The following DNAH7 variants were observed in gnomAD, a reference collection of about 807,000 sequenced individuals.
DNAH7 encodes the protein dynein axonemal heavy chain 7, also known as axonemal beta dynein heavy chain 7.
DNAH7 carries 397 observed loss-of-function variants against 444.6 expected under a neutral mutation model. The ratio of observed to expected loss-of-function variants is 0.89; its 90% CI spans 0.82 to 0.97. The LOEUF is 0.97. Among genes scored for constraint, DNAH7 ranks in the 50% least tolerant of loss-of-function variants. The probability of loss-of-function intolerance (pLI) is 0.00; values close to 1 mark genes in which losing one functional copy is unlikely to be tolerated. For synonymous variants in DNAH7, 1,636 were observed against 1,624.4 expected, an observed-to-expected ratio of 1.01 and a Z score of -0.17; for missense variants, 4,902 against 4,800.8, an observed-to-expected ratio of 1.02 and a Z score of -0.62.
At chr2:196,025,364 A>C (rs973761799) in intron 7 of DNAH7, among the ~76,000 whole-genome samples, 1 of 152,178 alleles carries the variant, frequency 6.6e-6, no homozygotes, top group African/African-American at 2.4e-5. Flanking sequence ...TAATATGCAA[A>C]TCATATGTAT....
At chr2:196,005,253 G>A (rs952442395) in intron 10 of DNAH7, among the ~76,000 whole-genome samples, 2 of 151,406 alleles carry the variant, frequency 1.3e-5, no homozygotes, top group Non-Finnish European at 2.9e-5. Flanking sequence ...CAGCCTGGGT[G>A]ACAGGGCAAG....
intron 19 of DNAH7, among the ~76,000 whole-genome samples, chr2:195,937,990 ACT>A: frequency 1.3e-5 from 2 of 152,138 alleles, no homozygotes; most frequent in Non-Finnish European, 2.9e-5. Flanking sequence ...TTCAAGATTA[ACT>A]AATTAGATAT....
chr2:195,777,666 T>C (rs1695123093), intron 59 of DNAH7, 134 bp downstream of exon 59: 2 of 867,890 alleles, frequency 2.3e-6, no homozygotes, highest in South Asian at 1.8e-5. Flanking sequence ...TTTATCCCTA[T>C]ATGACTGAAG....
intron 54 of DNAH7, among the ~76,000 whole-genome samples, chr2:195,799,873 G>A (rs780615619): frequency 5.3e-5 from 8 of 152,196 alleles, no homozygotes; most frequent in African/African-American, 1.7e-4. Context: ...AAGAATTGAT[G>A]TCACTGTGGA....
At chr2:195,880,994 GTT>G (rs199868134) in intron 36 of DNAH7, among the ~76,000 whole-genome samples, 14 of 136,758 alleles carry the variant, frequency 1.0e-4, no homozygotes, top group Admixed American at 1.5e-4. Context: ...TACACTTTTA[GTT>G]TTTTTTTTTT....
At chr2:195,831,107 T>G (rs1048404717) in intron 48 of DNAH7, among the ~76,000 whole-genome samples, 3 of 148,130 alleles carry the variant, frequency 2.0e-5, no homozygotes, top group East Asian at 3.9e-4. Flanking sequence ...TGATACAAAG[T>G]TTTTTTTTTA....
intron 9 of DNAH7, among the ~76,000 whole-genome samples, chr2:196,014,670 C>T (rs1694909258): frequency 6.6e-6 from 1 of 152,158 alleles, no homozygotes; most frequent in African/African-American, 2.4e-5. Flanking sequence ...TTCTCTGGTT[C>T]TCAAAACTAA....
chr2:195,960,034 A>G (rs1187975973), intron 18 of DNAH7, among the ~76,000 whole-genome samples: 1 of 152,218 alleles, frequency 6.6e-6, no homozygotes, highest in Non-Finnish European at 1.5e-5. Flanking sequence ...AGGATGAGCA[A>G]TCGTCCAATA....
At chr2:195,884,958 A>T in intron 34 of DNAH7, 149 bp from the exon 35 acceptor site, 1 of 622,792 alleles carries the variant, frequency 1.6e-6, no homozygotes, top group South Asian at 2.5e-5. Context: ...GGATTTTGTA[A>T]TCATAAGGGT....
chr2:195,826,855 T>C (rs547088595), intron 48 of DNAH7, among the ~76,000 whole-genome samples: 1 of 152,296 alleles, frequency 6.6e-6, no homozygotes, highest in South Asian at 2.1e-4. Flanking sequence ...GATCCTGCCA[T>C]CTTGCAGCTT....
intron 55 of DNAH7, among the ~76,000 whole-genome samples, chr2:195,798,114 GTCT>G (rs1282717690): frequency 6.6e-6 from 1 of 152,132 alleles, no homozygotes; most frequent in Non-Finnish European, 1.5e-5. Flanking sequence ...TATGTTAAAA[GTCT>G]TCTTAAATTT....
At chr2:195,944,471 C>T (rs1689666994) in intron 19 of DNAH7, among the ~76,000 whole-genome samples, 1 of 152,156 alleles carries the variant, frequency 6.6e-6, no homozygotes, top group Non-Finnish European at 1.5e-5. Context: ...CCTACACAAG[C>T]ACCATTACAA....
rs73040695 is a variant in DNAH7 at position 195,934,573 on chromosome 2, A to G, written c.3471+18T>C. On this transcript the variant is annotated intron_variant, in intron 21 of 64. Transcript: ENST00000312428. ...ATTCTAGCATCCTTTTCTAAAAATC[A>G]TCAGTATAATCAGCTACCTTGTGGA... The G allele has an allele frequency of 1.2e-6, 2 of 1,606,544 alleles. No individual in the cohort carries two copies. Among genetic ancestry groups the G allele is most frequent in the South Asian group, 1.1e-5 (1 of 90,610 alleles).
rs1401500078 is a variant in DNAH7, at chr2:195,926,554, C to T, written c.3484G>A (p.Ala1162Thr). ...INSIHKVTGD[A>T]TFAYTKYERI... ...TCATATTTTGTATAGGCAAAAGTTGCATCTCCAGTTACCTAATCAAAAAAG... is the reference window on the plus strand; with the variant it reads ...TCATATTTTGTATAGGCAAAAGTTGTATCTCCAGTTACCTAATCAAAAAAG... The change falls in exon 22 of 65, where the codon GCA becomes ACA. Residue 1162 changes from alanine (A) to threonine (T), a missense_variant. Transcript: ENST00000312428. The T allele has an allele frequency of 1.3e-6, 2 of 1,595,002 alleles. No homozygotes were observed. Among genetic ancestry groups the T allele is most frequent in the Admixed American group, 1.8e-5 (1 of 55,908 alleles).
At chr2:195,823,433 C>T (rs1697565504) in intron 49 of DNAH7, among the ~76,000 whole-genome samples, 1 of 152,152 alleles carries the variant, frequency 6.6e-6, no homozygotes, top group Non-Finnish European at 1.5e-5. Context: ...GTTTATTCAT[C>T]TTGGAGGGAA....
chr2:195,822,913 A>G (rs1697539831), intron 49 of DNAH7, among the ~76,000 whole-genome samples: 1 of 152,170 alleles, frequency 6.6e-6, no homozygotes, highest in African/African-American at 2.4e-5. Flanking sequence ...AATAAGTAAC[A>G]CTCATAGTAA....
At chr2:196,057,430 T>G (rs1237628853) in intron 2 of DNAH7, among the ~76,000 whole-genome samples, 1 of 152,228 alleles carries the variant, frequency 6.6e-6, no homozygotes, top group Non-Finnish European at 1.5e-5. Flanking sequence ...AAAATGTCTA[T>G]TTCATTTCAG....
Position 195,951,979 on chromosome 2 carries a change from C to T in DNAH7, c.3078+5282G>A, listed in dbSNP as rs1469365698. Among the ~76,000 whole-genome samples, 4 of 152,156 alleles carry T rather than the reference C, an allele frequency of 2.6e-5. No homozygotes were observed. In the East Asian group the frequency reaches 7.7e-4, roughly 29 times the overall value. ...TGAATTTGATCCTGTCATTATGATG[C>T]TAGCTGGTTATTTGGCCCATTAGTT... On this transcript the variant is annotated intron_variant, in intron 19 of 64. Transcript: ENST00000312428.
chr2:196,022,375 C>T (rs1011950321), intron 8 of DNAH7, among the ~76,000 whole-genome samples: 18 of 152,206 alleles, frequency 1.2e-4, no homozygotes, highest in Admixed American at 9.8e-4. Context: ...CTGTACCCAA[C>T]TAGAACTTCT....
Sources: gnomAD v4.1 joint callset for allele counts (sites outside exome capture counted in the v4.1 genomes callset) on GRCh38, gnomAD v4.1.1 for gene constraint, MANE v1.5 for transcripts, NCBI Gene and HGNC (gene_info 2026-07-23, HGNC 2026-07-21) for gene names.